Variants in SHISA9 observed in about 807,000 individuals in gnomAD.
The protein encoded by SHISA9 is protein shisa-9.
A neutral mutation model predicts 38.0 loss-of-function variants in SHISA9; 13 were observed. The observed-to-expected ratio is 0.34, with a 90% CI of 0.22 to 0.54. The LOEUF (loss-of-function observed/expected upper bound fraction) is 0.54, where lower values mean the gene tolerates loss of function less well. Among genes scored for constraint, SHISA9 ranks in the 20% least tolerant of loss-of-function variants. SHISA9 has a pLI of 0.91. For synonymous variants in SHISA9, 275 were observed against 242.0 expected (o/e 1.14, Z -1.27); for missense variants, 538 against 575.8 (o/e 0.93, Z 0.67).
rs182890818 is a variant in SHISA9 at position 13,199,537 on chromosome 16, A to T, written c.692-3857A>T. On this transcript the variant is annotated intron_variant, in intron 2 of 4. Transcript: ENST00000558583. Reference sequence around the variant, plus strand: ...GTGGCAGGAGCCAGGAGCCACAAAAAACACTCTTTAGAAAGGGGCTTCTCT... The same window carrying T: ...GTGGCAGGAGCCAGGAGCCACAAAATACACTCTTTAGAAAGGGGCTTCTCT... 1.6e-3 allele frequency among the ~76,000 whole-genome samples: 248 copies of T among 152,278 alleles called. 2 individuals are homozygous for T. Among genetic ancestry groups the T allele is most frequent in the African/African-American group, 5.7e-3 (235 of 41,554 alleles).
chr16:13,183,725 C>G (rs1313340854), intron 2 of SHISA9, among the ~76,000 whole-genome samples: 1 of 152,216 alleles, frequency 6.6e-6, no homozygotes, highest in African/African-American at 2.4e-5. Flanking sequence ...GCAATGTACT[C>G]TCATCCTTCT....
At chr16:13,000,950 G>C (rs929581518) in intron 2 of SHISA9, among the ~76,000 whole-genome samples, 1 of 152,076 alleles carries the variant, frequency 6.6e-6, no homozygotes, top group Non-Finnish European at 1.5e-5. Context: ...GTTTTTTTGA[G>C]ATGGAGTCTC....
At chr16:13,264,696 A>G in the SHISA9 span, among the ~76,000 whole-genome samples, 1 of 152,150 alleles carries the variant, frequency 6.6e-6, no homozygotes, top group Non-Finnish European at 1.5e-5. Context: ...TTAAGTTAGT[A>G]GTGAGCTCTG....
chr16:13,548,346 A>T, the SHISA9 span, among the ~76,000 whole-genome samples: 5 of 152,314 alleles, frequency 3.3e-5, no homozygotes, highest in African/African-American at 1.2e-4. Context: ...CAATGGAAGC[A>T]AAAACTGAAT....
the SHISA9 span, among the ~76,000 whole-genome samples, chr16:13,444,417 GAGGAAGGAAGGA>G: frequency 1.4e-5 from 2 of 140,432 alleles, no homozygotes; most frequent in Non-Finnish European, 3.0e-5. Context: ...GGGAGGGAGG[GAGGAAGGAAGGA>G]AGGAAGGAAG....
At chr16:12,989,331 C>A (rs2072354193) in intron 2 of SHISA9, among the ~76,000 whole-genome samples, 1 of 151,876 alleles carries the variant, frequency 6.6e-6, no homozygotes, top group Non-Finnish European at 1.5e-5. Context: ...GTGTGCACCA[C>A]CCTGCCTGGC....
At chr16:13,078,038 T>A (rs2073603778) in intron 2 of SHISA9, among the ~76,000 whole-genome samples, 1 of 152,072 alleles carries the variant, frequency 6.6e-6, no homozygotes, top group African/African-American at 2.4e-5. Flanking sequence ...AAAACCACAG[T>A]GATAATAATA....
At chr16:13,071,272 C>G (rs1235705688) in intron 2 of SHISA9, among the ~76,000 whole-genome samples, 1 of 152,204 alleles carries the variant, frequency 6.6e-6, no homozygotes, top group East Asian at 1.9e-4. Flanking sequence ...TTTTATCCCT[C>G]TGGTTTTCCC....
At chr16:13,327,413 C>T in the SHISA9 span, among the ~76,000 whole-genome samples, 1 of 152,164 alleles carries the variant, frequency 6.6e-6, no homozygotes, top group East Asian at 2.0e-4. Context: ...GTCAAGAGTT[C>T]GAGACCAGCC....
chr16:13,208,049 G>T (rs1474662883), intron 3 of SHISA9, among the ~76,000 whole-genome samples: 1 of 152,176 alleles, frequency 6.6e-6, no homozygotes, highest in African/African-American at 2.4e-5. Flanking sequence ...CTGGGAAGAT[G>T]ATCAGAGGCT....
intron 2 of SHISA9, among the ~76,000 whole-genome samples, chr16:13,150,859 C>A (rs1033026649): frequency 1.3e-5 from 2 of 152,198 alleles, no homozygotes; most frequent in Non-Finnish European, 2.9e-5. Context: ...CAATCAAAAC[C>A]ACAATGTAAC....
intron 2 of SHISA9, among the ~76,000 whole-genome samples, chr16:12,986,944 C>T (rs553649649): frequency 6.6e-6 from 1 of 152,200 alleles, no homozygotes; most frequent in Non-Finnish European, 1.5e-5. Context: ...TTCCTCTTCT[C>T]ATTAGATGAT....
the SHISA9 span, among the ~76,000 whole-genome samples, chr16:13,524,225 A>C: frequency 1.3e-5 from 2 of 152,186 alleles, no homozygotes; most frequent in African/African-American, 4.8e-5. Context: ...GCTTGCAAAA[A>C]ACACAAGCCT....
the SHISA9 span, among the ~76,000 whole-genome samples, chr16:13,312,882 C>G: frequency 6.6e-6 from 1 of 151,990 alleles, no homozygotes; most frequent in African/African-American, 2.4e-5. Context: ...GCAAAACCAA[C>G]TAAAAGAAAA....
At chr16:13,293,681 C>T in the SHISA9 span, among the ~76,000 whole-genome samples, 1 of 152,310 alleles carries the variant, frequency 6.6e-6, no homozygotes, top group East Asian at 1.9e-4. Flanking sequence ...TAAGTTGAAG[C>T]CAACATTATA....
the SHISA9 span, among the ~76,000 whole-genome samples, chr16:13,293,028 G>A: frequency 2.0e-5 from 3 of 152,094 alleles, no homozygotes; most frequent in African/African-American, 7.2e-5. Flanking sequence ...ACAAAACCCA[G>A]GTTTCCCCCC....
the SHISA9 span, among the ~76,000 whole-genome samples, chr16:13,503,788 G>C: frequency 6.6e-6 from 1 of 152,100 alleles, no homozygotes; most frequent in Non-Finnish European, 1.5e-5. Context: ...AATATAATGA[G>C]ATTTATGTTT....
chr16:13,546,303 C>T, the SHISA9 span, among the ~76,000 whole-genome samples: 1 of 152,162 alleles, frequency 6.6e-6, no homozygotes. Flanking sequence ...CCTCAGCCTA[C>T]AGAGTGACAA....
the SHISA9 span, among the ~76,000 whole-genome samples, chr16:13,359,060 C>A: frequency 6.6e-6 from 1 of 151,994 alleles, no homozygotes; most frequent in Non-Finnish European, 1.5e-5. Context: ...ATGAGAAATG[C>A]AATTCCCATC....
Sources: allele counts gnomAD v4.1 joint callset (sites outside exome capture counted in the v4.1 genomes callset), GRCh38; gene constraint gnomAD v4.1.1; transcripts MANE v1.5; gene names NCBI Gene and HGNC (gene_info 2026-07-23, HGNC 2026-07-21).